ZNF695: variants seen among roughly 807,000 people sequenced by gnomAD.
ZNF695 encodes zinc finger protein SBZF3.
In ZNF695, 11 loss-of-function variants were observed where a neutral mutation model predicts 11.2. The ratio of observed to expected loss-of-function variants is 0.98; its 90% CI spans 0.62 to 1.62. ZNF695 has a LOEUF of 1.62. ZNF695 is among the 40% of genes most tolerant of loss of function. The probability of loss-of-function intolerance (pLI) is 0.00; values close to 1 mark genes in which losing one functional copy is unlikely to be tolerated. For synonymous variants in ZNF695, 190 were observed against 201.4 expected, an observed-to-expected ratio of 0.94 and a Z score of 0.48; for missense variants, 559 against 590.5, an observed-to-expected ratio of 0.95 and a Z score of 0.55.
At chr1:246,971,244 T>C (rs1478359974) in intron 4 of ZNF695, among the ~76,000 whole-genome samples, 2 of 152,246 alleles carry the variant, frequency 1.3e-5, no homozygotes, top group Non-Finnish European at 2.9e-5. Flanking sequence ...TCATTATTTC[T>C]TCTGTGCATT....
At position 246,996,139 on chromosome 1, in the gene ZNF695, A is replaced by G. The variant is rs535878747; in HGVS notation, c.259+3209T>C. On this transcript the variant is annotated intron_variant, in intron 3 of 3. Transcript: ENST00000339986. The stretch of plus-strand genomic sequence containing the variant: ...GGCAGGTGGATCACCTGAGGTAAGG[A>G]GTTTGAGACCAGCCTGGCCAACATG... 3.0e-3 allele frequency: 1,247 copies of G among 412,838 alleles called. 5 individuals are homozygous for G. Among genetic ancestry groups the G allele is most frequent in the Non-Finnish European group, 4.6e-3 (956 of 209,666 alleles). The allele number at this position is 412,838 out of a possible 1,614,324, so 25.6% of individuals were successfully genotyped here.
At chr1:246,974,160 A>C (rs1166446202) in intron 4 of ZNF695, among the ~76,000 whole-genome samples, 5 of 147,176 alleles carry the variant, frequency 3.4e-5, no homozygotes, top group Non-Finnish European at 5.9e-5. Context: ...AAACAAACAA[A>C]CAAAAAAAAA....
At chr1:246,952,554 T>C (rs1422889792) in intron 5 of ZNF695, among the ~76,000 whole-genome samples, 1 of 151,328 alleles carries the variant, frequency 6.6e-6, no homozygotes, top group East Asian at 2.0e-4. Context: ...TTCTTCTTTT[T>C]TTTTTTTTTT....
intron 5 of ZNF695, among the ~76,000 whole-genome samples, chr1:246,961,513 GC>G (rs1406522458): frequency 6.6e-6 from 1 of 152,134 alleles, no homozygotes; most frequent in African/African-American, 2.4e-5. Flanking sequence ...TAAGAGTGTT[GC>G]TTTCACAGCT....
intron 4 of ZNF695, among the ~76,000 whole-genome samples, chr1:246,979,120 T>C (rs1405358397): frequency 6.6e-6 from 1 of 152,102 alleles, no homozygotes; most frequent in East Asian, 1.9e-4. Flanking sequence ...TCTAAAGTCT[T>C]TACATGGCCT....
At position 246,987,728 on chromosome 1, in the gene ZNF695, T is replaced by C. The variant is rs367785366; in HGVS notation, c.787A>G (p.Thr263Ala). Reference protein sequence around the residue: ...SSLAVVEKNHTEKKTYRCEEC... With the variant: ...SSLAVVEKNHAEKKTYRCEEC... ...TCACATCTGTAGGTTTTCTTTTCAG[T>C]ATGATTTTTCTCAACAACAGCAAGA... Residue 263 changes from threonine to alanine, a missense_variant, in exon 4 of 4, where the codon ACT becomes GCT. Physicochemically the swap from Thr to Ala is moderately conservative, Grantham distance 58. Coordinates refer to ENST00000339986, the MANE Select transcript of ZNF695 (RefSeq NM_020394.5). The C allele has an allele frequency of 1.6e-5, 26 of 1,592,210 alleles. No homozygotes were observed. In the African/African-American group the frequency reaches 1.8e-4, roughly 11 times the overall value.
intron 5 of ZNF695, among the ~76,000 whole-genome samples, chr1:246,956,029 C>G (rs1667986461): frequency 1.3e-5 from 2 of 149,096 alleles, no homozygotes; most frequent in African/African-American, 5.0e-5. Flanking sequence ...TGCTCTGTAA[C>G]CCAGGCTAGA....
At chr1:246,974,978 A>T (rs898811063) in intron 4 of ZNF695, among the ~76,000 whole-genome samples, 4 of 152,104 alleles carry the variant, frequency 2.6e-5, no homozygotes, top group African/African-American at 9.7e-5. Flanking sequence ...TTTCTTCTCC[A>T]TTATTACTTC....
At chr1:246,999,516 A>G in intron 2 of ZNF695, 76 bp from the exon 3 acceptor site, 1 of 1,143,078 alleles carries the variant, frequency 8.7e-7, no homozygotes, top group South Asian at 1.3e-5. Flanking sequence ...AGTAGAGAAG[A>G]GAAAACATCA....
At chr1:246,996,411 A>C (rs1669211921) in intron 3 of ZNF695, among the ~76,000 whole-genome samples, 1 of 152,208 alleles carries the variant, frequency 6.6e-6, no homozygotes. Context: ...GTCTCAAAAA[A>C]CAAAACAAAA....
chr1:246,996,530 C>G (rs1451040598), intron 3 of ZNF695, among the ~76,000 whole-genome samples: 1 of 152,012 alleles, frequency 6.6e-6, no homozygotes, highest in East Asian at 1.9e-4. Context: ...ATTGACATGT[C>G]TCAAGAAAAA....
chr1:247,007,263 T>C (rs1025232083), intron 1 of ZNF695, among the ~76,000 whole-genome samples: 1 of 151,770 alleles, frequency 6.6e-6, no homozygotes, highest in African/African-American at 2.4e-5. Context: ...CCCAGCACTT[T>C]GGGAGGCCGA....
chr1:246,979,648 C>A (rs760233872), intron 4 of ZNF695, among the ~76,000 whole-genome samples: 35 of 152,088 alleles, frequency 2.3e-4, no homozygotes, highest in Non-Finnish European at 4.1e-4. Flanking sequence ...CAAATCTAAC[C>A]ATATTTCTTA....
chr1:246,959,310 A>AAAAAT (rs1558304450), intron 5 of ZNF695, among the ~76,000 whole-genome samples: 38 of 51,250 alleles, frequency 7.4e-4, no homozygotes, highest in South Asian at 9.1e-4. Flanking sequence ...AAAAAAAAAA[A>AAAAAT]ATATATATAT....
intron 5 of ZNF695, among the ~76,000 whole-genome samples, chr1:246,967,033 G>T (rs1668308240): frequency 6.6e-6 from 1 of 152,156 alleles, no homozygotes; most frequent in South Asian, 2.1e-4. Context: ...CCGCCTCCCA[G>T]GTTCAAGGAA....
intron 4 of ZNF695, among the ~76,000 whole-genome samples, chr1:246,975,907 G>C (rs1668545577): frequency 6.6e-6 from 1 of 152,176 alleles, no homozygotes; most frequent in Non-Finnish European, 1.5e-5. Flanking sequence ...TAGGCGAAGA[G>C]AACAACTTAT....
chr1:246,960,647 A>G lies in ZNF695; in HGVS notation c.488+7048T>C, dbSNP rs1183514063. On this transcript the variant is annotated intron_variant, in intron 5 of 5. Coordinates refer to the ZNF695 transcript ENST00000487338. ...TTCAAGATAGCTATCTATCCTTCAA[A>G]GAATGGTACAGGCCAGGCATGGTGG... Among the ~76,000 whole-genome samples, 3 of 152,200 alleles carry G rather than the reference A, an allele frequency of 2.0e-5. No individual in the cohort carries two copies. In the East Asian group the frequency reaches 5.8e-4, roughly 29 times the overall value.
chr1:246,995,469 AACCATGAAGAGCGCAACAATCTCC>A (rs1214023562), intron 3 of ZNF695, among the ~76,000 whole-genome samples: 28 of 152,336 alleles, frequency 1.8e-4, no homozygotes, highest in Admixed American at 4.6e-4. Context: ...TGCGTGAAGG[AACCATGAAGAGCGCAACAATCTCC>A]ACAAAGAAGA....
At chr1:246,991,785 A>G (rs1027998961) in intron 3 of ZNF695, among the ~76,000 whole-genome samples, 1 of 152,230 alleles carries the variant, frequency 6.6e-6, no homozygotes, top group Non-Finnish European at 1.5e-5. Context: ...GGCCAAAGAA[A>G]GGAAATAGGT....
Sources: allele counts gnomAD v4.1 joint callset (sites outside exome capture counted in the v4.1 genomes callset), GRCh38; gene constraint gnomAD v4.1.1; transcripts MANE v1.5; gene names NCBI Gene and HGNC (gene_info 2026-07-23, HGNC 2026-07-21).